FBXL20: variants seen among roughly 807,000 people sequenced by gnomAD.
FBXL20 encodes the protein F-box and leucine rich repeat protein 20.
A neutral mutation model predicts 64.0 loss-of-function variants in FBXL20; 11 were observed. The observed-to-expected ratio is 0.17, with a 90% CI of 0.11 to 0.28. FBXL20 has a LOEUF of 0.28. FBXL20 is among the 10% of genes least tolerant of loss of function. FBXL20 has a pLI of 1.00. For synonymous variants in FBXL20, 184 were observed against 189.0 expected (o/e 0.97, Z 0.22); for missense variants, 303 against 526.2 (o/e 0.58, Z 4.15).
chr17:39,384,822 G>A (rs1426904996), intron 1 of FBXL20, among the ~76,000 whole-genome samples: 2 of 151,786 alleles, frequency 1.3e-5, no homozygotes, highest in Non-Finnish European at 2.9e-5. Context: ...GCTGGGCGTG[G>A]TGGTGTAATC....
chr17:39,375,505 T>G (rs757667846), intron 1 of FBXL20, among the ~76,000 whole-genome samples: 1 of 152,194 alleles, frequency 6.6e-6, no homozygotes, highest in Non-Finnish European at 1.5e-5. Flanking sequence ...TTGGCAAGGA[T>G]GTACTGTGTA....
chr17:39,370,666 G>A (rs1312692901), intron 1 of FBXL20, among the ~76,000 whole-genome samples: 3 of 149,956 alleles, frequency 2.0e-5, no homozygotes, highest in Non-Finnish European at 3.0e-5. Flanking sequence ...GTGGTAGCGG[G>A]CGCCTGTAGT....
intron 2 of FBXL20, among the ~76,000 whole-genome samples, chr17:39,329,573 GT>G (rs2047441210): frequency 6.6e-6 from 1 of 152,082 alleles, no homozygotes; most frequent in South Asian, 2.1e-4. Flanking sequence ...GTACTGTGGT[GT>G]TTTGTATCTA....
At chr17:39,336,547 T>C (rs980406213) in intron 2 of FBXL20, among the ~76,000 whole-genome samples, 5 of 152,086 alleles carry the variant, frequency 3.3e-5, no homozygotes, top group African/African-American at 1.2e-4. Flanking sequence ...AGTAGAAGGT[T>C]GGGGGCGGTG....
At chr17:39,361,355 T>A (rs146191340) in intron 1 of FBXL20, among the ~76,000 whole-genome samples, 2 of 152,154 alleles carry the variant, frequency 1.3e-5, no homozygotes, top group Non-Finnish European at 2.9e-5. Flanking sequence ...ATAAACTAAC[T>A]ATGATAAAGT....
rs773382172 is a variant in FBXL20 at position 39,401,413 on chromosome 17, G to C, written c.-11C>G. 1.1e-5 allele frequency: 17 copies of C among 1,596,214 alleles called. No individual in the cohort carries two copies. The highest frequency in any genetic ancestry group is 1.4e-5 in the Non-Finnish European group (17 of 1,172,682). ...CACGTCCCTCCTCATGGGGCCGGCGGGTGCGGCCCGGGCCGGGCGCTGCGG... is the reference window on the plus strand; with the variant it reads ...CACGTCCCTCCTCATGGGGCCGGCGCGTGCGGCCCGGGCCGGGCGCTGCGG... On this transcript the variant is annotated 5_prime_UTR_variant, in exon 1 of 15. Coordinates refer to ENST00000264658, the MANE Select transcript of FBXL20 (RefSeq NM_032875.3).
chr17:39,317,118 T>C (rs2047300352), intron 2 of FBXL20, among the ~76,000 whole-genome samples: 1 of 152,186 alleles, frequency 6.6e-6, no homozygotes, highest in Admixed American at 6.5e-5. Flanking sequence ...GTCCAATATA[T>C]GAATTGAATC....
At chr17:39,365,499 C>A (rs1329587771) in intron 1 of FBXL20, among the ~76,000 whole-genome samples, 2 of 152,144 alleles carry the variant, frequency 1.3e-5, no homozygotes, top group African/African-American at 2.4e-5. Flanking sequence ...CTAACAGACA[C>A]ATTACTTAAT....
rs115830907 is a variant in FBXL20, at chr17:39,343,647, G to A, written c.43-406C>T. 4.1e-3 allele frequency among the ~76,000 whole-genome samples: 624 copies of A among 151,566 alleles called. 6 individuals are homozygous for A. Among genetic ancestry groups the A allele is most frequent in the African/African-American group, 0.014 (570 of 41,304 alleles). On this transcript the variant is annotated intron_variant, in intron 1 of 14. Transcript: ENST00000264658. ...TTTCAGAGGCTGAGGCAAGCGGATC[G>A]CTTGAGCTCAGGAGTTCAAGACCAG...
intron 1 of FBXL20, among the ~76,000 whole-genome samples, chr17:39,390,918 G>A (rs980285609): frequency 6.6e-6 from 1 of 151,924 alleles, no homozygotes; most frequent in African/African-American, 2.4e-5. Flanking sequence ...ATGGTGGCAG[G>A]CGCCTGTAAT....
intron 1 of FBXL20, among the ~76,000 whole-genome samples, chr17:39,358,712 A>G (rs935313841): frequency 6.6e-6 from 1 of 151,312 alleles, no homozygotes; most frequent in Admixed American, 6.6e-5. Context: ...AAAAACAAAC[A>G]AAAAAAACAC....
chr17:39,307,596 C>CTA (rs2047194472), intron 2 of FBXL20, among the ~76,000 whole-genome samples: 1 of 152,144 alleles, frequency 6.6e-6, no homozygotes, highest in East Asian at 1.9e-4. Flanking sequence ...TAAAACAATT[C>CTA]TATAAGATAG....
At chr17:39,289,634 G>A (rs2047019288) in intron 6 of FBXL20, among the ~76,000 whole-genome samples, 1 of 151,366 alleles carries the variant, frequency 6.6e-6, no homozygotes, top group Non-Finnish European at 1.5e-5. Flanking sequence ...GGACGACAGA[G>A]AAAGACCCTA....
intron 2 of FBXL20, among the ~76,000 whole-genome samples, chr17:39,334,115 T>C (rs1030879385): frequency 2.6e-5 from 4 of 152,234 alleles, no homozygotes; most frequent in Non-Finnish European, 2.9e-5. Flanking sequence ...CTCCATTTTG[T>C]TCTGTACTAA....
rs776957149 is a variant in FBXL20 at position 39,282,841 on chromosome 17, A to C, written c.509T>G (p.Leu170Arg). ...SLKALSEGCP[L>R]LEQLNISWCD... is the part of the protein sequence containing the mutation. ...CCAGGAAATGTTCAACTGCTCCAACAGTGGACATCCCTCACTTAGGATAAA... is the reference window on the plus strand; with the variant it reads ...CCAGGAAATGTTCAACTGCTCCAACCGTGGACATCCCTCACTTAGGATAAA... Residue 170 changes from leucine (L) to arginine (R), a missense_variant, in exon 8 of 15, where the codon CTG (leucine) becomes CGG (arginine). By Grantham distance (102) the Leu-to-Arg change is moderately radical (BLOSUM62 -2). Coordinates refer to ENST00000264658, the MANE Select transcript of FBXL20 (RefSeq NM_032875.3). 1.2e-6 allele frequency: 2 copies of C among 1,614,090 alleles called. No individual in the cohort carries two copies. Among genetic ancestry groups the C allele is most frequent in the Non-Finnish European group, 1.7e-6 (2 of 1,180,040 alleles).
chr17:39,332,548 T>TC (rs2047472374), intron 2 of FBXL20, among the ~76,000 whole-genome samples: 1 of 147,886 alleles, frequency 6.8e-6, no homozygotes, highest in South Asian at 2.2e-4. Flanking sequence ...TTTTTTTTTT[T>TC]TTTTTTTTTT....
intron 2 of FBXL20, among the ~76,000 whole-genome samples, chr17:39,324,584 C>T (rs773546739): frequency 4.6e-5 from 7 of 152,156 alleles, no homozygotes; most frequent in Non-Finnish European, 1.0e-4. Context: ...GCGCCTGGCC[C>T]AGGTGTTTCT....
chr17:39,345,547 A>G (rs575648135), intron 1 of FBXL20, among the ~76,000 whole-genome samples: 2 of 135,512 alleles, frequency 1.5e-5, no homozygotes, highest in Admixed American at 7.2e-5. Context: ...AATAATTTTA[A>G]TAATTTTTTT....
intron 14 of FBXL20, among the ~76,000 whole-genome samples, chr17:39,262,481 A>G (rs1241972950): frequency 6.6e-6 from 1 of 151,886 alleles, no homozygotes; most frequent in Non-Finnish European, 1.5e-5. Flanking sequence ...GCATTTCGTC[A>G]TGTTGACCAG....
Sources: gnomAD v4.1 joint callset for allele counts (sites outside exome capture counted in the v4.1 genomes callset) on GRCh38, gnomAD v4.1.1 for gene constraint, MANE v1.5 for transcripts, NCBI Gene and HGNC (gene_info 2026-07-23, HGNC 2026-07-21) for gene names.